Variants in RAD51B observed in about 807,000 individuals in gnomAD.
The protein encoded by RAD51B is DNA repair protein RAD51 homolog 2.
Under a neutral mutation model 42.2 loss-of-function variants are expected in RAD51B, and 38 were observed. That is an observed-to-expected ratio of 0.90 (90% CI 0.70 to 1.18). The LOEUF is 1.18. Ranked by LOEUF, RAD51B falls within the 50% of genes most tolerant of loss-of-function variation. The pLI is 0.00. For missense variants in RAD51B, 373 were observed against 400.7 expected (o/e 0.93, Z 0.59); for synonymous variants, 154 against 145.2 (o/e 1.06, Z -0.43).
chr14:67,911,955 G>A (rs993917126), intron 7 of RAD51B, among the ~76,000 whole-genome samples: 5 of 152,196 alleles, frequency 3.3e-5, no homozygotes, highest in Non-Finnish European at 7.3e-5. Context: ...ATAGAGAAAA[G>A]AATGTCATCC....
chr14:67,928,006 T>A (rs1209898739), intron 7 of RAD51B, among the ~76,000 whole-genome samples: 2 of 152,130 alleles, frequency 1.3e-5, no homozygotes, highest in Non-Finnish European at 1.5e-5. Flanking sequence ...AGGGTAATGC[T>A]GGCCTCATAG....
At chr14:68,202,921 G>A (rs2079519053) in intron 7 of RAD51B, among the ~76,000 whole-genome samples, 1 of 152,110 alleles carries the variant, frequency 6.6e-6, no homozygotes, top group Non-Finnish European at 1.5e-5. Context: ...TGAGATTGCA[G>A]CAATTCAGTC....
At chr14:68,572,860 G>C (rs954056846) in intron 10 of RAD51B, among the ~76,000 whole-genome samples, 6 of 152,170 alleles carry the variant, frequency 3.9e-5, no homozygotes, top group African/African-American at 1.2e-4. Flanking sequence ...CTCAGGTACT[G>C]TACATGTTTT....
chr14:68,166,293 A>G (rs1243387769), intron 7 of RAD51B, among the ~76,000 whole-genome samples: 2 of 151,984 alleles, frequency 1.3e-5, no homozygotes, highest in African/African-American at 2.4e-5. Flanking sequence ...TCCGAAGCAT[A>G]AAAGGTGCTG....
At chr14:68,553,850 A>G (rs763429885) in intron 10 of RAD51B, among the ~76,000 whole-genome samples, 2 of 152,212 alleles carry the variant, frequency 1.3e-5, no homozygotes, top group Non-Finnish European at 2.9e-5. Context: ...AGATTGCTAT[A>G]ACACATAAGT....
chr14:67,858,614 C>T (rs919734669), intron 4 of RAD51B, among the ~76,000 whole-genome samples: 4 of 152,174 alleles, frequency 2.6e-5, no homozygotes, highest in African/African-American at 4.8e-5. Flanking sequence ...GGTAGGTATA[C>T]GTAAAATAGG....
intron 10 of RAD51B, among the ~76,000 whole-genome samples, chr14:68,624,493 T>C (rs992157933): frequency 6.6e-6 from 1 of 152,134 alleles, no homozygotes; most frequent in Non-Finnish European, 1.5e-5. Flanking sequence ...GGTCAAGGGA[T>C]GGAACTGAAA....
At chr14:68,391,562 A>G (rs530576605) in intron 8 of RAD51B, among the ~76,000 whole-genome samples, 1 of 152,336 alleles carries the variant, frequency 6.6e-6, no homozygotes, top group East Asian at 1.9e-4. Flanking sequence ...TGAGGTCCTC[A>G]GAGAGAGCAG....
intron 7 of RAD51B, among the ~76,000 whole-genome samples, chr14:67,954,137 C>G (rs932883912): frequency 6.6e-6 from 1 of 152,120 alleles, no homozygotes; most frequent in Non-Finnish European, 1.5e-5. Flanking sequence ...TAGTAACGCT[C>G]TAACTCAAAT....
In RAD51B at chr14:68,624,499, T is replaced by C. The variant is rs1595034123; in HGVS notation, c.1037-26282T>C. On this transcript the variant is annotated intron_variant, in intron 10 of 11. Transcript: ENST00000488612. ...ATGAAGTGGGGTCAAGGGATGGAAC[T>C]GAAATGCTTCCTGAGACTCTGGGAT... Among the ~76,000 whole-genome samples, 3 of 152,132 alleles carry C rather than the reference T, an allele frequency of 2.0e-5. No individual in the cohort carries two copies. The South Asian group carries it at 6.2e-4, about 32-fold the overall frequency.
rs146048337 is a variant in RAD51B at position 68,666,849 on chromosome 14, C to T, written c.*11+15993C>T. Reference sequence around the variant, plus strand: ...ATAAAGGTTCTCCAGAGAAACAGAACCAACAGGATCTCCCTCTATATATAG... The same window carrying T: ...ATAAAGGTTCTCCAGAGAAACAGAATCAACAGGATCTCCCTCTATATATAG... On this transcript the variant is annotated intron_variant, in intron 11 of 11. Transcript: ENST00000488612. 9.6e-3 allele frequency among the ~76,000 whole-genome samples: 1,458 copies of T among 152,232 alleles called. 12 individuals carry two copies. The highest frequency in any genetic ancestry group is 0.015 in the Non-Finnish European group (993 of 68,006).
chr14:68,036,604 G>A (rs1204231875), intron 7 of RAD51B, among the ~76,000 whole-genome samples: 1 of 151,996 alleles, frequency 6.6e-6, no homozygotes, highest in Non-Finnish European at 1.5e-5. Context: ...TTTCTTTGGG[G>A]CACTGCTGAT....
intron 7 of RAD51B, among the ~76,000 whole-genome samples, chr14:67,950,277 A>G (rs780208429): frequency 2.0e-5 from 3 of 152,256 alleles, no homozygotes; most frequent in Non-Finnish European, 4.4e-5. Context: ...AGCCACCTTC[A>G]TCAGTGATCT....
At chr14:68,407,865 T>C (rs1415789292) in intron 8 of RAD51B, among the ~76,000 whole-genome samples, 2 of 152,020 alleles carry the variant, frequency 1.3e-5, no homozygotes, top group Non-Finnish European at 2.9e-5. Flanking sequence ...GGGGAAGAAG[T>C]CTGGAAGGGC....
At chr14:68,563,355 T>C in intron 10 of RAD51B, 2 of 985,412 alleles carry the variant, frequency 2.0e-6, no homozygotes, top group South Asian at 9.4e-5. Context: ...CTGCCAGGCC[T>C]TCCCAGTGAT....
chr14:68,088,034 A>G (rs979432575), intron 7 of RAD51B, among the ~76,000 whole-genome samples: 2 of 136,234 alleles, frequency 1.5e-5, no homozygotes, highest in South Asian at 2.1e-4. Context: ...ATATAATTAT[A>G]TAATTATTTA....
intron 7 of RAD51B, among the ~76,000 whole-genome samples, chr14:68,210,778 C>T (rs747412122): frequency 5.9e-5 from 9 of 152,112 alleles, no homozygotes; most frequent in Non-Finnish European, 1.0e-4. Flanking sequence ...CGCTTGTGAT[C>T]AGTATCATGT....
At chr14:67,952,287 T>A (rs2074468052) in intron 7 of RAD51B, among the ~76,000 whole-genome samples, 1 of 152,038 alleles carries the variant, frequency 6.6e-6, no homozygotes, top group Non-Finnish European at 1.5e-5. Context: ...TATTTTGAAG[T>A]GTCATTGTCA....
chr14:68,132,989 A>G (rs1358450221), intron 7 of RAD51B, among the ~76,000 whole-genome samples: 1 of 152,182 alleles, frequency 6.6e-6, no homozygotes, highest in Non-Finnish European at 1.5e-5. Flanking sequence ...TGATCTCGGG[A>G]TGGAAAAAAT....
Sources: allele counts gnomAD v4.1 joint callset (sites outside exome capture counted in the v4.1 genomes callset), GRCh38; gene constraint gnomAD v4.1.1; transcripts MANE v1.5; gene names NCBI Gene and HGNC (gene_info 2026-07-23, HGNC 2026-07-21).